The following EI24 variants were observed in gnomAD, a reference collection of about 807,000 sequenced individuals.
EI24 encodes etoposide-induced protein 2.4 homolog.
Under a neutral mutation model 48.6 loss-of-function variants are expected in EI24, and 21 were observed. The observed-to-expected ratio is 0.43, with a 90% confidence interval of 0.31 to 0.62. The LOEUF (loss-of-function observed/expected upper bound fraction) is 0.62. Ranked by LOEUF, EI24 falls within the 20% of genes least tolerant of loss-of-function variation. The pLI is 0.10. For synonymous variants in EI24, 114 were observed against 145.5 expected (o/e 0.78, Z 1.56); for missense variants, 280 against 410.5 (o/e 0.68, Z 2.75).
At chr11:125,583,431 T>C (rs1939096179) in intron 10 of EI24, 90 bp from the exon 11 acceptor site, 1 of 1,045,082 alleles carries the variant, frequency 9.6e-7, no homozygotes, top group Non-Finnish European at 1.4e-6. Flanking sequence ...TCTTTCCCTG[T>C]GTAGTTTTAA....
At chr11:125,582,058 CGTG>C (rs1939028224) in intron 9 of EI24, among the ~76,000 whole-genome samples, 1 of 151,796 alleles carries the variant, frequency 6.6e-6, no homozygotes, top group African/African-American at 2.4e-5. Flanking sequence ...ATTAGCCAGG[CGTG>C]GTGGCACACA....
At chr11:125,577,249 A>G (rs556183371) in intron 4 of EI24, among the ~76,000 whole-genome samples, 1 of 152,090 alleles carries the variant, frequency 6.6e-6, no homozygotes, top group African/African-American at 2.4e-5. Flanking sequence ...GCACCACCAC[A>G]CCCGACCAAT....
chr11:125,574,845 T>C (rs1247855191), intron 2 of EI24: 1 of 152,726 alleles, frequency 6.5e-6, no homozygotes, highest in Non-Finnish European at 1.5e-5. Flanking sequence ...AAACCTTTAA[T>C]GTAATTTTTT....
chr11:125,579,483 T>C (rs1482067860), intron 7 of EI24, among the ~76,000 whole-genome samples: 4 of 151,870 alleles, frequency 2.6e-5, no homozygotes, highest in African/African-American at 9.7e-5. Flanking sequence ...CTGGCCAACA[T>C]GGTGAAACCC....
Position 125,569,578 on chromosome 11 carries a change from G to C in EI24, c.-71+5G>C, listed in dbSNP as rs1478056678. On this transcript the variant is annotated splice_donor_5th_base_variant and intron_variant, in intron 1 of 10. Coordinates refer to ENST00000278903, the MANE Select transcript of EI24 (RefSeq NM_004879.5). ...GCCGCGGCGGCGGAGCTGTGGGTAG[G>C]TGCGGGCTCAGCCGAGCTAGGCCTC... 1 of 369,324 alleles carries C rather than the reference G, an allele frequency of 2.7e-6. No homozygotes were observed. The highest frequency in any genetic ancestry group is 4.8e-6 in the Non-Finnish European group (1 of 207,370). 22.9% of individuals were successfully genotyped at this position (369,324 alleles called of 1,614,324 possible).
At chr11:125,578,466 CTT>C (rs1938841672) in intron 6 of EI24, among the ~76,000 whole-genome samples, 1 of 113,620 alleles carries the variant, frequency 8.8e-6, no homozygotes, top group South Asian at 3.2e-4. Context: ...GGTGCCTTTT[CTT>C]TTTCGTTTTG....
intron 2 of EI24, among the ~76,000 whole-genome samples, chr11:125,572,786 A>G (rs904383348): frequency 4.9e-5 from 7 of 142,882 alleles, no homozygotes; most frequent in African/African-American, 1.8e-4. Flanking sequence ...TCTTCGGTGG[A>G]TGTCTCCAGT....
At chr11:125,578,289 C>G in intron 6 of EI24, 32 bp downstream of exon 6, 1 of 1,612,698 alleles carries the variant, frequency 6.2e-7, no homozygotes, top group Non-Finnish European at 8.5e-7. Flanking sequence ...GTCTGGGTCC[C>G]GCAGCATGAT....
At position 125,584,262 on chromosome 11, in the gene EI24, A is replaced by G. The variant is rs956741430; in HGVS notation, c.*579A>G. ...AAAAAAAAAAAAAAAAAAAAAAAAA[A>G]GCCTGAAGAGATGAGATAGGAGGAA... On this transcript the variant is annotated 3_prime_UTR_variant, in exon 11 of 11. Transcript: ENST00000278903. The G allele has an allele frequency of 1.5e-5, 2 of 130,954 alleles. No individual in the cohort carries two copies. The highest frequency in any genetic ancestry group is 2.9e-5 in the African/African-American group (1 of 34,068). 8.1% of individuals were successfully genotyped at this position (130,954 alleles called of 1,614,324 possible).
intron 1 of EI24, 111 bp from the exon 2 acceptor site, chr11:125,572,347 C>T: frequency 1.6e-6 from 1 of 622,372 alleles, no homozygotes. Flanking sequence ...CTAGAATCTA[C>T]TGCTATCTTA....
rs1223793787 is a variant in EI24, at chr11:125,584,447, T to C, written c.*764T>C. 1 of 152,626 alleles carries C rather than the reference T, an allele frequency of 6.6e-6. No homozygotes were observed. Among genetic ancestry groups the C allele is most frequent in the Non-Finnish European group, 1.5e-5 (1 of 68,052 alleles). The allele number at this position is 152,626 out of a possible 1,614,324, so 9.5% of individuals were successfully genotyped here. ...TACAACAACACTAAACCTGAACTTT[T>C]CAACTCCGTTGGTGGTGGGAGGCAG... On this transcript the variant is annotated 3_prime_UTR_variant, in exon 11 of 11. Transcript: ENST00000278903.
rs1485733200 is a variant in EI24, at chr11:125,578,068, G to T, written c.317-65G>T. 3 of 1,596,918 alleles carry T rather than the reference G, an allele frequency of 1.9e-6. No individual in the cohort carries two copies. In the African/African-American group the frequency reaches 4.0e-5, roughly 21 times the overall value. On this transcript the variant is annotated intron_variant, in intron 5 of 10. Transcript: ENST00000278903. ...GACAGAGAATAGTCACGAGATGGGGGTTCCGCATTTGGTCTTCTGGATTTC... is the reference window on the plus strand; with the variant it reads ...GACAGAGAATAGTCACGAGATGGGGTTTCCGCATTTGGTCTTCTGGATTTC...
chr11:125,572,469 T>C lies in EI24; in HGVS notation c.-59T>C. ...CCATCTGTTTCCAGATCCTTCATGA[T>C]GAGAGATTTGGGGACACTTCTCTCT... On this transcript the variant is annotated 5_prime_UTR_variant, in exon 2 of 11. It removes an upstream start codon present in the reference 5' UTR. Transcript: ENST00000278903. 1 of 1,494,326 alleles carries C rather than the reference T, an allele frequency of 6.7e-7. No individual in the cohort carries two copies. The highest frequency in any genetic ancestry group is 9.3e-7 in the Non-Finnish European group (1 of 1,073,516). 92.6% of individuals were successfully genotyped at this position (1,494,326 alleles called of 1,614,324 possible). A position where few individuals can be genotyped will look rare whatever the true frequency, so the allele number is the denominator to read the frequency against.
intron 6 of EI24, among the ~76,000 whole-genome samples, 171 bp from the exon 7 acceptor site, chr11:125,578,778 A>C (rs1371524045): frequency 1.3e-5 from 2 of 151,634 alleles, no homozygotes; most frequent in Non-Finnish European, 2.9e-5. Context: ...CAATCCTCCT[A>C]CCTTAGCCTC....
At chr11:125,579,540 G>A (rs1176803159) in intron 7 of EI24, among the ~76,000 whole-genome samples, 2 of 152,052 alleles carry the variant, frequency 1.3e-5, no homozygotes, top group Admixed American at 1.3e-4. Flanking sequence ...GTGGCAACAT[G>A]CTTGTAATCC....
chr11:125,583,751 C>A lies in EI24; in HGVS notation c.*68C>A. ...TGTGGCAGCTCTTTTCCCTGTTCAC[C>A]TCCCGCCTGCCAGGGAAGGCAGGAC... On this transcript the variant is annotated 3_prime_UTR_variant, in exon 11 of 11. Coordinates refer to ENST00000278903, the MANE Select transcript of EI24 (RefSeq NM_004879.5). 1.3e-6 allele frequency: 2 copies of A among 1,565,298 alleles called. No individual in the cohort carries two copies. The highest frequency in any genetic ancestry group is 1.4e-5 in the African/African-American group (1 of 73,808).
Position 125,578,064 on chromosome 11 carries a change from G to A in EI24, c.317-69G>A. The A allele has an allele frequency of 1.1e-5, 17 of 1,588,412 alleles. No homozygotes were observed. In the South Asian group the frequency reaches 1.9e-4, roughly 18 times the overall value. On this transcript the variant is annotated intron_variant, in intron 5 of 10. Transcript: ENST00000278903. ...AGGAGACAGAGAATAGTCACGAGATGGGGGTTCCGCATTTGGTCTTCTGGA... is the reference window on the plus strand; with the variant it reads ...AGGAGACAGAGAATAGTCACGAGATAGGGGTTCCGCATTTGGTCTTCTGGA...
intron 7 of EI24, 46 bp from the exon 8 acceptor site, chr11:125,580,047 G>T: frequency 1.4e-6 from 2 of 1,453,970 alleles, no homozygotes; most frequent in Non-Finnish European, 9.7e-7. Context: ...AATGGTGCTA[G>T]GTTTCCGAGG....
At chr11:125,576,397 C>T in intron 4 of EI24, 82 bp downstream of exon 4, 2 of 1,240,430 alleles carry the variant, frequency 1.6e-6, no homozygotes, top group African/African-American at 1.5e-5. Flanking sequence ...TTTCTTGAAA[C>T]ACTGAGACAA....
Sources: allele counts gnomAD v4.1 joint callset (sites outside exome capture counted in the v4.1 genomes callset), GRCh38; gene constraint gnomAD v4.1.1; transcripts MANE v1.5; gene names NCBI Gene and HGNC (gene_info 2026-07-23, HGNC 2026-07-21).